ADCY2: variants seen among roughly 807,000 people sequenced by gnomAD.
The protein encoded by ADCY2 is adenylate cyclase type 2.
Under a neutral mutation model 125.2 loss-of-function variants are expected in ADCY2, and 31 were observed. The ratio of observed to expected loss-of-function variants is 0.25; its 90% CI spans 0.19 to 0.33. The LOEUF (loss-of-function observed/expected upper bound fraction) is 0.33. ADCY2 is among the 10% of genes least tolerant of loss of function. The pLI is 1.00. For missense variants in ADCY2, 904 were observed against 1,418.2 expected (o/e 0.64, Z 5.82); for synonymous variants, 512 against 548.4 (o/e 0.93, Z 0.93).
At chr5:7,813,411 G>A (rs1745003613) in intron 22 of ADCY2, among the ~76,000 whole-genome samples, 1 of 152,184 alleles carries the variant, frequency 6.6e-6, no homozygotes, top group African/African-American at 2.4e-5. Context: ...TGGTAAACAT[G>A]CATCTACTTT....
At chr5:7,724,724 A>G in intron 13 of ADCY2, 110 bp downstream of exon 13, 2 of 753,564 alleles carry the variant, frequency 2.7e-6, no homozygotes, top group South Asian at 1.6e-5. Context: ...GCCTCTGACT[A>G]TATTCGAACT....
chr5:7,581,819 CAAAAAAAAAAAAAAAAGA>C (rs1275997436), intron 3 of ADCY2, among the ~76,000 whole-genome samples: 1 of 123,792 alleles, frequency 8.1e-6, no homozygotes, highest in Non-Finnish European at 1.7e-5. Context: ...GACTCAGTCT[CAAAAAAAAAAAAAAAAGA>C]AAAAGAAAAA....
intron 2 of ADCY2, among the ~76,000 whole-genome samples, chr5:7,510,618 ATTG>A (rs1027743472): frequency 6.6e-6 from 1 of 152,174 alleles, no homozygotes; most frequent in African/African-American, 2.4e-5. Flanking sequence ...ATGCAGTGTC[ATTG>A]TTGTTCCAGG....
At chr5:7,495,140 C>T (rs1195651728) in intron 2 of ADCY2, among the ~76,000 whole-genome samples, 3 of 152,226 alleles carry the variant, frequency 2.0e-5, no homozygotes, top group Non-Finnish European at 2.9e-5. Context: ...GCAGTCTAGT[C>T]TATAAGCCAT....
chr5:7,672,621 T>C (rs993167225), intron 4 of ADCY2, among the ~76,000 whole-genome samples: 1 of 152,220 alleles, frequency 6.6e-6, no homozygotes, highest in Admixed American at 6.5e-5. Context: ...TGCCTCAGCC[T>C]CCCGAGTAGC....
intron 3 of ADCY2, among the ~76,000 whole-genome samples, chr5:7,522,946 C>T (rs75467471): frequency 6.6e-6 from 1 of 151,142 alleles, no homozygotes; most frequent in African/African-American, 2.4e-5. Context: ...CAAAAAAAAA[C>T]AAAGAAATGA....
At chr5:7,674,981 C>G (rs1408958528) in intron 4 of ADCY2, among the ~76,000 whole-genome samples, 2 of 151,986 alleles carry the variant, frequency 1.3e-5, no homozygotes, top group Non-Finnish European at 2.9e-5. Flanking sequence ...TGGTGAAACT[C>G]CGTCTCTACT....
At chr5:7,654,731 G>A (rs1430624489) in intron 4 of ADCY2, among the ~76,000 whole-genome samples, 11 of 152,164 alleles carry the variant, frequency 7.2e-5, no homozygotes, top group Non-Finnish European at 1.5e-5. Flanking sequence ...ACAGAGGGGT[G>A]GAAAACGGGA....
chr5:7,626,069 T>C, intron 3 of ADCY2, 98 bp from the exon 4 acceptor site: 1 of 1,325,730 alleles, frequency 7.5e-7, no homozygotes. Context: ...TTCCTGCAGT[T>C]ATCTCTCTGA....
At chr5:7,517,268 C>G (rs956464052) in intron 2 of ADCY2, among the ~76,000 whole-genome samples, 1 of 152,160 alleles carries the variant, frequency 6.6e-6, no homozygotes, top group Non-Finnish European at 1.5e-5. Flanking sequence ...GCTCTGCACT[C>G]TTTAGCCTCT....
intron 2 of ADCY2, among the ~76,000 whole-genome samples, chr5:7,497,884 A>G (rs764246743): frequency 5.3e-5 from 8 of 152,092 alleles, no homozygotes; most frequent in Non-Finnish European, 8.8e-5. Flanking sequence ...ATTATCTAAG[A>G]AGAAATGACT....
At chr5:7,629,493 A>G (rs1232390672) in intron 4 of ADCY2, among the ~76,000 whole-genome samples, 7 of 152,232 alleles carry the variant, frequency 4.6e-5, no homozygotes, top group African/African-American at 7.2e-5. Flanking sequence ...CATTTGTACT[A>G]TAAGATTTTG....
chr5:7,410,211 C>T (rs1459237821), intron 1 of ADCY2, among the ~76,000 whole-genome samples: 2 of 152,006 alleles, frequency 1.3e-5, no homozygotes, highest in Admixed American at 6.6e-5. Flanking sequence ...TTGGTTTCTA[C>T]CTTTGGTCTT....
chr5:7,456,332 T>C (rs1292015187), intron 2 of ADCY2, among the ~76,000 whole-genome samples: 1 of 152,192 alleles, frequency 6.6e-6, no homozygotes, highest in Non-Finnish European at 1.5e-5. Context: ...TGATGATCTG[T>C]TGGATGCACA....
intron 21 of ADCY2, among the ~76,000 whole-genome samples, chr5:7,804,040 A>AAGAGAGAGAGAGAGAGAGAGAG (rs57193249): frequency 0.022 from 2,384 of 106,222 alleles, 220 homozygotes; most frequent in Middle Eastern, 0.037. Context: ...GGAGGGGGGA[A>AAGAGAGAGAGAGAGAGAGAGAG]AGAGAGAGAG....
intron 14 of ADCY2, among the ~76,000 whole-genome samples, chr5:7,738,206 T>C (rs1283499772): frequency 6.6e-6 from 1 of 152,132 alleles, no homozygotes; most frequent in Non-Finnish European, 1.5e-5. Context: ...ATGTGACATA[T>C]ACTGAGAATT....
intron 14 of ADCY2, among the ~76,000 whole-genome samples, chr5:7,740,050 A>G (rs569030353): frequency 3.9e-5 from 6 of 152,004 alleles, no homozygotes; most frequent in Non-Finnish European, 5.9e-5. Flanking sequence ...AAAATGTCTT[A>G]TTCATGGAAA....
chr5:7,451,460 A>C (rs1473306521), intron 2 of ADCY2, among the ~76,000 whole-genome samples: 1 of 152,228 alleles, frequency 6.6e-6, no homozygotes, highest in African/African-American at 2.4e-5. Context: ...TTATGATAAA[A>C]CTTGAATGGA....
intron 4 of ADCY2, among the ~76,000 whole-genome samples, chr5:7,672,382 T>C (rs192663431): frequency 1.3e-5 from 2 of 152,316 alleles, no homozygotes; most frequent in African/African-American, 4.8e-5. Context: ...TTGAAACTTT[T>C]CAAGGGAACT....
Sources: gnomAD v4.1 joint callset for allele counts (sites outside exome capture counted in the v4.1 genomes callset) on GRCh38, gnomAD v4.1.1 for gene constraint, MANE v1.5 for transcripts, NCBI Gene and HGNC (gene_info 2026-07-23, HGNC 2026-07-21) for gene names.